Variants in HDAC9 observed in about 807,000 individuals in gnomAD.
HDAC9 encodes histone deacetylase 9, also known as MEF-2 interacting transcription repressor (MITR) protein.
A neutral mutation model predicts 139.4 loss-of-function variants in HDAC9; 41 were observed. The ratio of observed to expected loss-of-function variants is 0.29; its 90% CI spans 0.23 to 0.38. The LOEUF is 0.38. Among genes scored for constraint, HDAC9 ranks in the 10% least tolerant of loss-of-function variants. The pLI is 1.00. For synonymous variants in HDAC9, 517 were observed against 476.2 expected (o/e 1.09, Z -1.12); for missense variants, 1,147 against 1,297.0 (o/e 0.88, Z 1.78).
chr7:18,380,087 C>T (rs1467980557), intron 1 of HDAC9, among the ~76,000 whole-genome samples: 4 of 152,114 alleles, frequency 2.6e-5, no homozygotes, highest in Non-Finnish European at 5.9e-5. Context: ...TTTAATTATG[C>T]TAGTGAATAC....
intron 2 of HDAC9, among the ~76,000 whole-genome samples, chr7:18,203,956 G>C (rs938873160): frequency 6.6e-6 from 1 of 152,108 alleles, no homozygotes; most frequent in African/African-American, 2.4e-5. Flanking sequence ...AGCTATGTAT[G>C]AGCTTTCAAT....
intron 1 of HDAC9, among the ~76,000 whole-genome samples, chr7:18,390,516 T>G (rs1255595091): frequency 3.3e-5 from 5 of 152,192 alleles, no homozygotes; most frequent in African/African-American, 7.2e-5. Context: ...CATTCTTGAG[T>G]TCTGTAGTAG....
chr7:18,174,246 T>C (rs1331160052), intron 2 of HDAC9, among the ~76,000 whole-genome samples: 2 of 152,246 alleles, frequency 1.3e-5, no homozygotes, highest in South Asian at 2.1e-4. Context: ...GAATCGGCTA[T>C]TGAAGCTTGT....
At chr7:18,617,070 A>T (rs1401346556) in intron 6 of HDAC9, among the ~76,000 whole-genome samples, 1 of 152,166 alleles carries the variant, frequency 6.6e-6, no homozygotes, top group Non-Finnish European at 1.5e-5. Flanking sequence ...TATTTCATCC[A>T]GTACTAACTT....
chr7:18,699,448 G>T (rs184930891), intron 12 of HDAC9, among the ~76,000 whole-genome samples: 1 of 152,062 alleles, frequency 6.6e-6, no homozygotes, highest in Non-Finnish European at 1.5e-5. Flanking sequence ...AACCTGTGAG[G>T]CAATTTAATA....
chr7:18,878,251 C>A (rs1236504193), intron 22 of HDAC9, among the ~76,000 whole-genome samples: 11 of 152,042 alleles, frequency 7.2e-5, no homozygotes, highest in Non-Finnish European at 1.0e-4. Context: ...ATTTTTTCTT[C>A]CCTTTCAACA....
At chr7:18,310,779 A>G (rs1356891046) in intron 1 of HDAC9, among the ~76,000 whole-genome samples, 1 of 150,416 alleles carries the variant, frequency 6.6e-6, no homozygotes, top group Non-Finnish European at 1.5e-5. Context: ...GACATTTTCT[A>G]CAGATTTTTA....
chr7:18,559,938 C>T (rs1012886218), intron 2 of HDAC9, among the ~76,000 whole-genome samples: 7 of 152,156 alleles, frequency 4.6e-5, no homozygotes, highest in Non-Finnish European at 1.0e-4. Flanking sequence ...ATCCTAAAGT[C>T]TTCCTATATT....
intron 1 of HDAC9, among the ~76,000 whole-genome samples, chr7:18,126,349 A>C (rs1784671026): frequency 6.6e-6 from 1 of 152,126 alleles, no homozygotes; most frequent in African/African-American, 2.4e-5. Context: ...GTCAGTTTTT[A>C]CATTCTGAAT....
intron 2 of HDAC9, among the ~76,000 whole-genome samples, chr7:18,257,936 CTGCAGCA>C (rs1363956207): frequency 5.9e-5 from 9 of 152,202 alleles, no homozygotes; most frequent in Non-Finnish European, 1.3e-4. Flanking sequence ...TCAGTTCACA[CTGCAGCA>C]TCATCTGTGG....
intron 2 of HDAC9, among the ~76,000 whole-genome samples, chr7:18,183,441 T>C (rs1466476204): frequency 1.3e-5 from 2 of 152,214 alleles, no homozygotes; most frequent in African/African-American, 2.4e-5. Context: ...AGGAGACAAA[T>C]CTAAAGAATT....
At chr7:18,808,205 T>A (rs1029936334) in intron 17 of HDAC9, 1 of 152,180 alleles carries the variant, frequency 6.6e-6, no homozygotes, top group African/African-American at 2.4e-5. Context: ...GATCTCTGCA[T>A]AGCCAGTGAT....
chr7:18,722,329 T>C (rs1785205650), intron 12 of HDAC9, among the ~76,000 whole-genome samples: 1 of 152,160 alleles, frequency 6.6e-6, no homozygotes, highest in Non-Finnish European at 1.5e-5. Context: ...TAACTATTCA[T>C]TTAAGGGGGG....
At chr7:18,649,910 A>ACT (rs750725869) in intron 11 of HDAC9, among the ~76,000 whole-genome samples, 3 of 151,582 alleles carry the variant, frequency 2.0e-5, no homozygotes, top group African/African-American at 7.3e-5. Context: ...GGCAGGGACA[A>ACT]CTCTCTCTCT....
intron 12 of HDAC9, among the ~76,000 whole-genome samples, chr7:18,681,505 G>T (rs1208045478): frequency 6.6e-6 from 1 of 151,952 alleles, no homozygotes; most frequent in Non-Finnish European, 1.5e-5. Flanking sequence ...AAAAACAGAA[G>T]ATTTGAAAAT....
Position 18,975,971 on chromosome 7 carries a change from G to C in HDAC9, c.3170+18G>C. ...GACAGCAGGTATGAATCCAACGTGC[G>C]GGAATAATCCGGGTCAGTCATATCC... On this transcript the variant is annotated intron_variant, in intron 25 of 25. Transcript: ENST00000686413. 6.2e-7 allele frequency: 1 copy of C among 1,611,052 alleles called. No homozygotes were observed. Among genetic ancestry groups the C allele is most frequent in the Non-Finnish European group, 8.5e-7 (1 of 1,178,700 alleles).
chr7:18,914,212 G>C (rs1802991793), intron 22 of HDAC9, among the ~76,000 whole-genome samples: 1 of 151,436 alleles, frequency 6.6e-6, no homozygotes, highest in Admixed American at 6.6e-5. Flanking sequence ...CTATCAATCT[G>C]ATTTTCTTCT....
intron 2 of HDAC9, among the ~76,000 whole-genome samples, chr7:18,534,980 G>A (rs995854998): frequency 6.6e-6 from 1 of 152,106 alleles, no homozygotes; most frequent in Non-Finnish European, 1.5e-5. Context: ...TTGACCACTC[G>A]TCTTCCTCTG....
rs537969673 is a variant in HDAC9, at chr7:18,406,423, C to T, written c.-41-89839C>T. The stretch of plus-strand genomic sequence containing the variant: ...ATTTTTTTCTTTTGAGATGGAGTCT[C>T]GCTCTGTCGCCCGGGCTGGAGTGCA... On this transcript the variant is annotated intron_variant, in intron 1 of 3. Transcript: ENST00000413509. Among the ~76,000 whole-genome samples the T allele has an allele frequency of 5.3e-5, 8 of 151,552 alleles. No homozygotes were observed. The South Asian group carries it at 8.3e-4, about 16-fold the overall frequency.
Sources: gnomAD v4.1 joint callset for allele counts (sites outside exome capture counted in the v4.1 genomes callset) on GRCh38, gnomAD v4.1.1 for gene constraint, MANE v1.5 for transcripts, NCBI Gene and HGNC (gene_info 2026-07-23, HGNC 2026-07-21) for gene names.